GLI3: variants seen among roughly 807,000 people sequenced by gnomAD.
GLI3 encodes the protein transcription activator GLI3.
A neutral mutation model predicts 100.8 loss-of-function variants in GLI3; 20 were observed. That is an observed-to-expected ratio of 0.20 (90% CI 0.14 to 0.29). The LOEUF (loss-of-function observed/expected upper bound fraction) is 0.29. GLI3 is among the 10% of genes least tolerant of loss of function. The pLI is 1.00. For missense variants in GLI3, 2,040 were observed against 2,128.5 expected (o/e 0.96, Z 0.82); for synonymous variants, 938 against 860.5 (o/e 1.09, Z -1.58).
chr7:42,090,498 C>T (rs929373784), intron 3 of GLI3, among the ~76,000 whole-genome samples: 2 of 152,204 alleles, frequency 1.3e-5, no homozygotes, highest in East Asian at 3.9e-4. Context: ...CTAAGTCCTT[C>T]TTCCTCAACA....
chr7:42,062,089 A>T (rs562581516), intron 4 of GLI3, among the ~76,000 whole-genome samples: 8 of 152,190 alleles, frequency 5.3e-5, no homozygotes, highest in Non-Finnish European at 1.2e-4. Flanking sequence ...AAACCTGTGC[A>T]CAGGACCATG....
Position 42,076,759 on chromosome 7 carries a change from A to G in GLI3, c.466T>C (p.Leu156=). Reference sequence around the variant, plus strand: ...GAAAGTGTTAATACTTACATATGCAATGGAGGAATCGGAGATGGATCGTAA... The same window carrying G: ...GAAAGTGTTAATACTTACATATGCAGTGGAGGAATCGGAGATGGATCGTAA... ...YHYDPSPIPP[L]HMTSALSSSP... The change falls in exon 4 of 15, where the codon TTG becomes CTG. Residue 156 remains leucine, a synonymous_variant. Coordinates refer to ENST00000395925, the MANE Select transcript of GLI3 (RefSeq NM_000168.6). 6.4e-7 allele frequency: 1 copy of G among 1,573,372 alleles called. No individual in the cohort carries two copies. The highest frequency in any genetic ancestry group is 8.8e-7 in the Non-Finnish European group (1 of 1,142,622).
At chr7:42,045,355 A>G in intron 6 of GLI3, 29 bp downstream of exon 6, 1 of 1,606,822 alleles carries the variant, frequency 6.2e-7, no homozygotes, top group East Asian at 2.2e-5. Context: ...CCATTTCCCA[A>G]GACTCTAGAA....
intron 2 of GLI3, among the ~76,000 whole-genome samples, chr7:42,201,101 C>T (rs895513511): frequency 1.3e-5 from 2 of 151,820 alleles, no homozygotes; most frequent in Admixed American, 6.6e-5. Flanking sequence ...CTTACGATAC[C>T]GTTTAGTCTA....
chr7:42,133,473 C>T (rs1290243598), intron 3 of GLI3, among the ~76,000 whole-genome samples: 1 of 152,106 alleles, frequency 6.6e-6, no homozygotes, highest in East Asian at 1.9e-4. Flanking sequence ...CACCGAGTTC[C>T]CTCCAAACAC....
chr7:41,970,637 T>C (rs1016684387), intron 13 of GLI3, among the ~76,000 whole-genome samples: 1 of 152,218 alleles, frequency 6.6e-6, no homozygotes, highest in African/African-American at 2.4e-5. Flanking sequence ...CAAATCGCTG[T>C]AATTTTTATT....
chr7:42,238,633 G>A (rs369192089), upstream of GLI3, among the ~76,000 whole-genome samples: 85 of 152,310 alleles, frequency 5.6e-4, no homozygotes, highest in African/African-American at 1.9e-3. Context: ...CTCTGTCCCT[G>A]CTTCATTTTC....
intron 2 of GLI3, among the ~76,000 whole-genome samples, chr7:42,197,276 C>T (rs1455306670): frequency 2.0e-5 from 3 of 152,224 alleles, no homozygotes; most frequent in African/African-American, 7.2e-5. Flanking sequence ...AGAGTAATGA[C>T]ATAAAAATCA....
intron 10 of GLI3, among the ~76,000 whole-genome samples, chr7:41,990,506 G>A (rs1001853703): frequency 3.3e-5 from 5 of 152,188 alleles, no homozygotes; most frequent in African/African-American, 1.2e-4. Context: ...ACTGAAGTCT[G>A]ATTCTGAACA....
At chr7:42,255,884 T>G (rs528970570) in intron 1 of GLI3, among the ~76,000 whole-genome samples, 2 of 152,312 alleles carry the variant, frequency 1.3e-5, no homozygotes, top group African/African-American at 4.8e-5. Context: ...AAGAAACTGA[T>G]GAACTGTTTT....
intron 2 of GLI3, among the ~76,000 whole-genome samples, chr7:42,182,658 A>ATATATATATATATATATATACACATGTG (rs1562775714): frequency 1.8e-5 from 1 of 56,052 alleles, no homozygotes; most frequent in Admixed American, 1.8e-4. Flanking sequence ...ATATATATAT[A>ATATATATATATATATATATACACATGTG]TATATATATA....
intron 2 of GLI3, among the ~76,000 whole-genome samples, chr7:42,153,430 G>GA (rs1786924274): frequency 6.6e-6 from 1 of 152,046 alleles, no homozygotes; most frequent in African/African-American, 2.4e-5. Context: ...AGCATTCTAG[G>GA]ACTCTAAATT....
chr7:42,063,671 T>A (rs1264640465), intron 4 of GLI3, among the ~76,000 whole-genome samples: 1 of 152,182 alleles, frequency 6.6e-6, no homozygotes, highest in East Asian at 1.9e-4. Context: ...GATTTAAATA[T>A]GGGGATAGAT....
At chr7:42,230,098 C>G (rs28731411) in intron 1 of GLI3, among the ~76,000 whole-genome samples, 1,383 of 42,720 alleles carry the variant, frequency 0.032, no homozygotes, top group Non-Finnish European at 0.038. Flanking sequence ...AAGGGTTGGG[C>G]GGGGGGGGGG....
Position 41,965,425 on chromosome 7 carries a change from G to T in GLI3, c.3648C>A (p.Leu1216=). 1 of 1,607,918 alleles carries T rather than the reference G, an allele frequency of 6.2e-7. No homozygotes were observed. ...RSGPAGGYQT[L]GENSNPYGGP... is the part of the protein sequence containing the mutation. ...CACCGTAGGGGTTGCTGTTCTCCCC[G>T]AGGGTCTGATAGCCCCCAGCAGGCC... Residue 1216 remains leucine, a synonymous_variant, in exon 15 of 15, where the codon CTC becomes CTA. Coordinates refer to ENST00000395925, the MANE Select transcript of GLI3 (RefSeq NM_000168.6).
chr7:42,173,937 G>T (rs1165344760), intron 2 of GLI3, among the ~76,000 whole-genome samples: 1 of 152,078 alleles, frequency 6.6e-6, no homozygotes, highest in African/African-American at 2.4e-5. Context: ...AATCACTAAA[G>T]GATTACAGAA....
intron 2 of GLI3, among the ~76,000 whole-genome samples, chr7:42,205,103 C>T (rs1323600037): frequency 1.3e-5 from 2 of 152,164 alleles, no homozygotes; most frequent in African/African-American, 4.8e-5. Context: ...CAGACGGTGA[C>T]ACTTCTTATC....
chr7:42,138,835 G>A (rs964715541), intron 3 of GLI3, among the ~76,000 whole-genome samples: 1 of 152,188 alleles, frequency 6.6e-6, no homozygotes, highest in East Asian at 1.9e-4. Flanking sequence ...AGTGGACGAC[G>A]TAAACACCCC....
intron 7 of GLI3, among the ~76,000 whole-genome samples, chr7:42,035,144 G>A (rs539610912): frequency 1.2e-3 from 189 of 151,882 alleles, no homozygotes; most frequent in African/African-American, 4.5e-3. Flanking sequence ...CAAATTTTTA[G>A]AAGACAGAAT....
Sources: gnomAD v4.1 joint callset for allele counts (sites outside exome capture counted in the v4.1 genomes callset) on GRCh38, gnomAD v4.1.1 for gene constraint, MANE v1.5 for transcripts, NCBI Gene and HGNC (gene_info 2026-07-23, HGNC 2026-07-21) for gene names.